TAF3: variants seen among roughly 807,000 people sequenced by gnomAD.
TAF3 encodes the protein TATA-box binding protein associated factor 3, also known as transcription initiation factor TFIID subunit 3.
A neutral mutation model predicts 80.6 loss-of-function variants in TAF3; 7 were observed. The observed-to-expected ratio is 0.09, with a 90% CI of 0.05 to 0.16. TAF3 has a LOEUF of 0.16. TAF3 is among the 10% of genes least tolerant of loss of function. The probability of loss-of-function intolerance (pLI) is 1.00; values close to 1 mark genes in which losing one functional copy is unlikely to be tolerated. For missense variants in TAF3, 921 were observed against 1,140.2 expected, an observed-to-expected ratio of 0.81 and a Z score of 2.77; for synonymous variants, 444 against 446.1, an observed-to-expected ratio of 1.00 and a Z score of 0.06.
At position 7,965,032 on chromosome 10, in the gene TAF3, G is replaced by A; in HGVS notation, c.1522G>A (p.Val508Met). ...TCCCACTCCCGAACCTCTCCACAAG[G>A]TGTATGAGGAGAAAACCAAGCTGCC... ...SPPTPEPLHKVYEEKTKLPSS... is the reference protein window; with the variant it reads ...SPPTPEPLHKMYEEKTKLPSS... Residue 508 changes from valine (V) to methionine (M), a missense_variant, in exon 3 of 7, where the codon GTG becomes ATG. By Grantham distance (21) the Val-to-Met change is conservative. Around this residue, in one of 6 missense-constraint regions of TAF3, gnomAD observed 743 missense variants for 821.0 expected, o/e 0.90. Coordinates refer to ENST00000344293, the MANE Select transcript of TAF3 (RefSeq NM_031923.4). 1.2e-6 allele frequency: 2 copies of A among 1,614,008 alleles called. No homozygotes were observed. Among genetic ancestry groups the A allele is most frequent in the Non-Finnish European group, 1.7e-6 (2 of 1,180,022 alleles).
intron 2 of TAF3, among the ~76,000 whole-genome samples, chr10:7,842,137 A>G (rs762235013): frequency 1.9e-4 from 23 of 123,804 alleles, no homozygotes; most frequent in Non-Finnish European, 3.1e-4. Flanking sequence ...ATTGTAGGAT[A>G]TTGAATTAAT....
chr10:7,913,446 A>G lies in TAF3; in HGVS notation c.410-50474A>G, dbSNP rs1837676480. On this transcript the variant is annotated intron_variant, in intron 2 of 6. Transcript: ENST00000344293. ...TTTCTATGCCCTTTTCTCATAAGTAATAGAAATAGAGAAGTCAGAAGCTTG... is the reference window on the plus strand; with the variant it reads ...TTTCTATGCCCTTTTCTCATAAGTAGTAGAAATAGAGAAGTCAGAAGCTTG... Among the ~76,000 whole-genome samples the G allele has an allele frequency of 6.6e-5, 10 of 152,210 alleles. No homozygotes were observed. The South Asian group carries it at 1.4e-3, about 22-fold the overall frequency.
At chr10:7,878,690 AATGTATGTATGTATGTATGTATGTATGT>A (rs58593612) in intron 2 of TAF3, among the ~76,000 whole-genome samples, 12 of 146,900 alleles carry the variant, frequency 8.2e-5, no homozygotes, top group Admixed American at 4.1e-4. Flanking sequence ...TAATTCAACC[AATGTATGTATGTATGTATGTATGTATGT>A]ATGTATGTAT....
intron 2 of TAF3, among the ~76,000 whole-genome samples, chr10:7,937,341 G>A (rs1336724008): frequency 6.6e-6 from 1 of 152,172 alleles, no homozygotes. Flanking sequence ...TTCTTTCCAG[G>A]ATTTGGTGTT....
intron 2 of TAF3, among the ~76,000 whole-genome samples, chr10:7,934,236 G>T (rs1837895333): frequency 6.6e-6 from 1 of 152,100 alleles, no homozygotes; most frequent in Admixed American, 6.6e-5. Context: ...GAAAATCTAA[G>T]TAAGTGTTCA....
intron 2 of TAF3, among the ~76,000 whole-genome samples, chr10:7,867,076 T>C (rs1837221357): frequency 6.6e-6 from 1 of 152,062 alleles, no homozygotes; most frequent in Non-Finnish European, 1.5e-5. Context: ...CTGGTGAACA[T>C]GGCGAAACCC....
chr10:7,836,008 G>A (rs976138246), intron 2 of TAF3, among the ~76,000 whole-genome samples: 5 of 152,122 alleles, frequency 3.3e-5, no homozygotes, highest in Admixed American at 6.5e-5. Flanking sequence ...TTTCTTCAGC[G>A]CCATCATACT....
chr10:7,939,153 T>A (rs1467114657), intron 2 of TAF3, among the ~76,000 whole-genome samples: 1 of 152,256 alleles, frequency 6.6e-6, no homozygotes, highest in Non-Finnish European at 1.5e-5. Context: ...TGTGCATGTT[T>A]GTTTATTAGC....
In TAF3 at chr10:7,942,748, C is replaced by G. The variant is rs370646387; in HGVS notation, c.410-21172C>G. On this transcript the variant is annotated intron_variant, in intron 2 of 6. Transcript: ENST00000344293. The stretch of plus-strand genomic sequence containing the variant: ...AGTGGGCAGCCGAGGCGTGTGGGCA[C>G]GGAGTTCTAGATCTTGTGATGTTTT... 4.7e-5 allele frequency among the ~76,000 whole-genome samples: 7 copies of G among 148,846 alleles called. No individual in the cohort carries two copies. In the South Asian group the frequency reaches 1.5e-3, roughly 31 times the overall value.
intron 2 of TAF3, among the ~76,000 whole-genome samples, chr10:7,958,796 A>G (rs1295410134): frequency 1.3e-5 from 2 of 152,192 alleles, no homozygotes; most frequent in East Asian, 1.9e-4. Context: ...CTAATTTTAA[A>G]AATTGTTTAA....
chr10:7,978,051 A>C (rs1831690858), intron 4 of TAF3, among the ~76,000 whole-genome samples: 1 of 152,130 alleles, frequency 6.6e-6, no homozygotes. Context: ...ACTCATGTTG[A>C]AAATCATTCC....
intron 2 of TAF3, among the ~76,000 whole-genome samples, chr10:7,919,343 C>T (rs896027317): frequency 1.3e-5 from 2 of 152,074 alleles, no homozygotes; most frequent in South Asian, 2.1e-4. Context: ...GTATTGAGCC[C>T]GGGGAGGGAT....
At chr10:7,877,359 C>T (rs942458499) in intron 2 of TAF3, among the ~76,000 whole-genome samples, 1 of 152,014 alleles carries the variant, frequency 6.6e-6, no homozygotes. Context: ...GTGTATTTCA[C>T]ATAATAATTT....
chr10:7,963,101 G>A (rs1343059361), intron 2 of TAF3, among the ~76,000 whole-genome samples: 5 of 152,102 alleles, frequency 3.3e-5, no homozygotes, highest in African/African-American at 1.2e-4. Flanking sequence ...GTATTTCATT[G>A]CACCATACTC....
At chr10:8,002,430 G>T (rs543669739) in intron 4 of TAF3, among the ~76,000 whole-genome samples, 18 of 152,174 alleles carry the variant, frequency 1.2e-4, no homozygotes, top group African/African-American at 4.1e-4. Flanking sequence ...CTACTTTCTG[G>T]ATCAGCTTTT....
In TAF3 at chr10:7,860,759, A is replaced by T. The variant is rs924479367; in HGVS notation, c.409+36199A>T. ...TGTCCATATTGGAGTCCAGTTGCCC[A>T]GTCTTTAGCTAACAGGAGCCTTTTC... is the stretch of plus-strand genomic sequence containing the variant. On this transcript the variant is annotated intron_variant, in intron 2 of 6. Transcript: ENST00000344293. 2.0e-5 allele frequency among the ~76,000 whole-genome samples: 3 copies of T among 151,284 alleles called. No individual in the cohort carries two copies. The East Asian group carries it at 5.8e-4, about 29-fold the overall frequency.
intron 2 of TAF3, among the ~76,000 whole-genome samples, chr10:7,891,853 C>T (rs776975238): frequency 8.5e-5 from 13 of 152,124 alleles, no homozygotes; most frequent in Non-Finnish European, 1.3e-4. Context: ...TTGTATCTAC[C>T]GGACTTAGCT....
intron 3 of TAF3, among the ~76,000 whole-genome samples, chr10:7,976,006 T>A (rs2131419288): frequency 6.6e-6 from 1 of 152,270 alleles, no homozygotes; most frequent in Non-Finnish European, 1.5e-5. Flanking sequence ...ACCGAAAGAC[T>A]TGGAGATAGA....
Position 7,862,415 on chromosome 10 carries a change from G to T in TAF3, c.409+37855G>T, listed in dbSNP as rs919817156. 2.0e-5 allele frequency among the ~76,000 whole-genome samples: 3 copies of T among 152,104 alleles called. No individual in the cohort carries two copies. The East Asian group carries it at 5.8e-4, about 29-fold the overall frequency. On this transcript the variant is annotated intron_variant, in intron 2 of 6. Coordinates refer to ENST00000344293, the MANE Select transcript of TAF3 (RefSeq NM_031923.4). ...CTTAGTTCAACTCAAACTCCAAGCT[G>T]TTTTTCCTATGATGGGCAGCAGCAG...
Sources: allele counts gnomAD v4.1 joint callset (sites outside exome capture counted in the v4.1 genomes callset), GRCh38; gene constraint gnomAD v4.1.1; regional missense constraint gnomAD v4.1.1; transcripts MANE v1.5; gene names NCBI Gene and HGNC (gene_info 2026-07-23, HGNC 2026-07-21).